Variants in UBE2QL1 observed in about 807,000 individuals in gnomAD.
UBE2QL1 encodes ubiquitin-conjugating enzyme E2Q-like protein 1.
UBE2QL1 carries 5 observed loss-of-function variants against 12.6 expected under a neutral mutation model. The ratio of observed to expected loss-of-function variants is 0.40; its 90% CI spans 0.21 to 0.83. The LOEUF (loss-of-function observed/expected upper bound fraction) is 0.83, where lower values mean the gene tolerates loss of function less well. UBE2QL1 is among the 40% of genes least tolerant of loss of function. UBE2QL1 has a pLI of 0.37. For missense variants in UBE2QL1, 99 were observed against 222.6 expected, an observed-to-expected ratio of 0.44 and a Z score of 3.53; for synonymous variants, 96 against 94.5, an observed-to-expected ratio of 1.02 and a Z score of -0.10.
chr5:6,481,523 G>A lies in UBE2QL1; in HGVS notation c.355-9695G>A, dbSNP rs1734362306. Among the ~76,000 whole-genome samples, 1 of 152,188 alleles carries A rather than the reference G, an allele frequency of 6.6e-6. No individual in the cohort carries two copies. The highest frequency in any genetic ancestry group is 1.5e-5 in the Non-Finnish European group (1 of 68,032). ...AACCACATCATTTAGGTTCCCTGGT[G>A]TGAGCTCCCACCACTATACCCAGCA... is the stretch of plus-strand genomic sequence containing the variant. On this transcript the variant is annotated intron_variant, in intron 1 of 1. Transcript: ENST00000399816. The surrounding 1 kb of genome is among the most constrained non-coding windows in gnomAD (Gnocchi z 4.5).
At chr5:6,462,548 G>A (rs933044652) in intron 1 of UBE2QL1, among the ~76,000 whole-genome samples, 11 of 152,184 alleles carry the variant, frequency 7.2e-5, no homozygotes, top group African/African-American at 1.7e-4. Context: ...AGAATTGCCC[G>A]GGGGCATCTT....
At chr5:6,450,807 T>G (rs571836422) in intron 1 of UBE2QL1, among the ~76,000 whole-genome samples, 1 of 152,316 alleles carries the variant, frequency 6.6e-6, no homozygotes, top group African/African-American at 2.4e-5. Flanking sequence ...ATAGCATAGG[T>G]GTAACAACTC....
chr5:6,464,986 T>G (rs2126341139), intron 1 of UBE2QL1, among the ~76,000 whole-genome samples: 1 of 151,960 alleles, frequency 6.6e-6, no homozygotes, highest in South Asian at 2.1e-4. Flanking sequence ...TTTTAGTTTT[T>G]ATTCTTTTTT....
intron 1 of UBE2QL1, among the ~76,000 whole-genome samples, chr5:6,475,152 G>A (rs1303524393): frequency 1.3e-5 from 2 of 152,174 alleles, no homozygotes; most frequent in African/African-American, 2.4e-5. Context: ...GTATTGCAAT[G>A]CCCTTATACA....
chr5:6,450,098 C>CA (rs1553987141), intron 1 of UBE2QL1, among the ~76,000 whole-genome samples: 190 of 144,500 alleles, frequency 1.3e-3, no homozygotes, highest in African/African-American at 4.4e-3. Context: ...CCCCCCCCCC[C>CA]ACGGCAATGC....
intron 1 of UBE2QL1, among the ~76,000 whole-genome samples, chr5:6,477,501 G>A (rs1451052837): frequency 6.6e-6 from 1 of 152,228 alleles, no homozygotes; most frequent in East Asian, 1.9e-4. Context: ...CCCAAGGCTG[G>A]ACCTGGTGAC....
Position 6,476,225 on chromosome 5 carries a change from C to A in UBE2QL1, c.355-14993C>A, listed in dbSNP as rs1734227867. ...CCCGATGTTTGTGCAGAGGAGACAC[C>A]TCTGCTGCCTCTGCAGAGCCTGCAC... On this transcript the variant is annotated intron_variant, in intron 1 of 1. Coordinates refer to ENST00000399816, the MANE Select transcript of UBE2QL1 (RefSeq NM_001145161.3). This position sits in a 1 kb window ranked among gnomAD's most constrained non-coding sequence, Gnocchi z 4.9. 6.6e-6 allele frequency among the ~76,000 whole-genome samples: 1 copy of A among 152,092 alleles called. No homozygotes were observed. Among genetic ancestry groups the A allele is most frequent in the African/African-American group, 2.4e-5 (1 of 41,414 alleles).
At chr5:6,486,341 A>AAC (rs527687089) in intron 1 of UBE2QL1, among the ~76,000 whole-genome samples, 14 of 150,052 alleles carry the variant, frequency 9.3e-5, no homozygotes, top group African/African-American at 2.2e-4. Context: ...CACACACACA[A>AAC]ACACACACAC....
chr5:6,461,547 C>T (rs559375705), intron 1 of UBE2QL1, among the ~76,000 whole-genome samples: 11 of 114,868 alleles, frequency 9.6e-5, no homozygotes, highest in Non-Finnish European at 1.1e-4. Context: ...CCCACCACCC[C>T]CCCCCGCCGG....
intron 1 of UBE2QL1, among the ~76,000 whole-genome samples, chr5:6,450,191 C>G (rs745472419): frequency 8.9e-5 from 13 of 145,766 alleles, no homozygotes; most frequent in Non-Finnish European, 1.9e-4. Flanking sequence ...AGGTCTTGGT[C>G]TCTTTCAGAC....
At chr5:6,452,451 G>A (rs1739429786) in intron 1 of UBE2QL1, among the ~76,000 whole-genome samples, 1 of 151,690 alleles carries the variant, frequency 6.6e-6, no homozygotes, top group Non-Finnish European at 1.5e-5. Context: ...GCATTTTTAG[G>A]TAACTCTTAG....
chr5:6,464,662 A>G (rs1264964417), intron 1 of UBE2QL1, among the ~76,000 whole-genome samples: 2 of 152,246 alleles, frequency 1.3e-5, no homozygotes, highest in Non-Finnish European at 2.9e-5. Flanking sequence ...TGAAAGGGGC[A>G]GCAGGGAGGG....
At chr5:6,490,981 G>T (rs1734556145) in intron 1 of UBE2QL1, among the ~76,000 whole-genome samples, 1 of 151,638 alleles carries the variant, frequency 6.6e-6, no homozygotes, top group Non-Finnish European at 1.5e-5. Flanking sequence ...GGTTTGTAAA[G>T]ACAGCACCCC....
chr5:6,488,034 T>G (rs1734497358), intron 1 of UBE2QL1, among the ~76,000 whole-genome samples: 1 of 152,060 alleles, frequency 6.6e-6, no homozygotes, highest in Non-Finnish European at 1.5e-5. Flanking sequence ...AAGATGAACC[T>G]ATGAAAAAAA....
At chr5:6,466,140 G>C (rs1449716120) in intron 1 of UBE2QL1, among the ~76,000 whole-genome samples, 2 of 152,048 alleles carry the variant, frequency 1.3e-5, no homozygotes, top group Admixed American at 6.6e-5. Flanking sequence ...CGGCAGCCAC[G>C]GCGATGCAGC....
At chr5:6,449,368 C>A in intron 1 of UBE2QL1, 121 bp downstream of exon 1, 1 of 957,848 alleles carries the variant, frequency 1.0e-6, no homozygotes, top group Non-Finnish European at 1.4e-6. Context: ...GCTCCCTGCT[C>A]TGACTACACC....
intron 1 of UBE2QL1, among the ~76,000 whole-genome samples, chr5:6,480,444 G>GT (rs1734336401): frequency 6.6e-6 from 1 of 152,196 alleles, no homozygotes; most frequent in Admixed American, 6.5e-5. Flanking sequence ...ACTAATGAGC[G>GT]TATCTGTCAC....
In UBE2QL1 at chr5:6,491,521, G is replaced by A. The variant is rs560337798; in HGVS notation, c.*172G>A. ...GAAAAGATGTGTGTACAGAGAGGAAGAGGGAGCAAATGCCGTTCGGATTAT... is the reference window on the plus strand; with the variant it reads ...GAAAAGATGTGTGTACAGAGAGGAAAAGGGAGCAAATGCCGTTCGGATTAT... On this transcript the variant is annotated 3_prime_UTR_variant, in exon 2 of 2. Transcript: ENST00000399816. The A allele has an allele frequency of 1.0e-4, 85 of 844,110 alleles. 1 individual carries two copies. The highest frequency in any genetic ancestry group is 7.8e-4 in the Middle Eastern group (2 of 2,574). 52.3% of individuals were successfully genotyped at this position (844,110 alleles called of 1,614,324 possible). A position where few individuals can be genotyped will look rare whatever the true frequency, so the allele number is the denominator to read the frequency against.
At chr5:6,487,426 A>G (rs1361929448) in intron 1 of UBE2QL1, among the ~76,000 whole-genome samples, 1 of 152,238 alleles carries the variant, frequency 6.6e-6, no homozygotes, top group Non-Finnish European at 1.5e-5. Context: ...GTAGTTGTTC[A>G]TAAATATACA....
Sources: allele counts gnomAD v4.1 joint callset (sites outside exome capture counted in the v4.1 genomes callset), GRCh38; gene constraint gnomAD v4.1.1; non-coding constraint Gnocchi (gnomAD v3.1); transcripts MANE v1.5; gene names NCBI Gene and HGNC (gene_info 2026-07-23, HGNC 2026-07-21).